IFT57: variants seen among roughly 807,000 people sequenced by gnomAD.
The protein encoded by IFT57 is intraflagellar transport protein 57 homolog.
A neutral mutation model predicts 56.8 loss-of-function variants in IFT57; 59 were observed. The observed-to-expected ratio is 1.04, with a 90% CI of 0.84 to 1.29. IFT57 has a LOEUF of 1.29. Ranked by LOEUF, IFT57 falls within the 50% of genes most tolerant of loss-of-function variation. The pLI is 0.00. For missense variants in IFT57, 470 were observed against 522.1 expected (o/e 0.90, Z 0.97); for synonymous variants, 209 against 186.1 (o/e 1.12, Z -1.00).
intron 3 of IFT57, among the ~76,000 whole-genome samples, chr3:108,217,705 T>C (rs889487035): frequency 2.0e-5 from 3 of 151,232 alleles, no homozygotes; most frequent in African/African-American, 7.3e-5. Context: ...TATATAATCT[T>C]TCTACCGAAG....
At chr3:108,218,448 CT>C in intron 3 of IFT57, 86 bp downstream of exon 3, 1 of 542,142 alleles carries the variant, frequency 1.8e-6, no homozygotes, top group Non-Finnish European at 3.2e-6. Context: ...AAGAATAATT[CT>C]TTTATGTTCA....
chr3:108,203,715 C>T (rs892202483), intron 5 of IFT57, among the ~76,000 whole-genome samples: 1 of 152,168 alleles, frequency 6.6e-6, no homozygotes, highest in Non-Finnish European at 1.5e-5. Context: ...AAAGCTCCTG[C>T]TCCAGTGGAG....
intron 6 of IFT57, among the ~76,000 whole-genome samples, chr3:108,169,041 C>G (rs549344298): frequency 1.2e-4 from 18 of 152,160 alleles, no homozygotes; most frequent in Admixed American, 5.2e-4. Context: ...AATGGTATTT[C>G]TGATTCTAGA....
At chr3:108,219,302 T>C (rs1354539700) in intron 2 of IFT57, 108 bp downstream of exon 2, 1 of 850,764 alleles carries the variant, frequency 1.2e-6, no homozygotes. Context: ...TAAAAATAAA[T>C]TCATATTTAC....
chr3:108,203,681 G>A (rs906575450), intron 5 of IFT57, among the ~76,000 whole-genome samples: 1 of 152,138 alleles, frequency 6.6e-6, no homozygotes, highest in African/African-American at 2.4e-5. Flanking sequence ...CTACATACAA[G>A]ACACTGGTGA....
At chr3:108,204,075 C>A (rs1049697931) in intron 5 of IFT57, among the ~76,000 whole-genome samples, 3 of 152,164 alleles carry the variant, frequency 2.0e-5, no homozygotes, top group Non-Finnish European at 2.9e-5. Context: ...TGATACTAAC[C>A]TATATAGCAA....
intron 5 of IFT57, among the ~76,000 whole-genome samples, chr3:108,192,174 C>CAAAA (rs11347289): frequency 3.7e-4 from 28 of 74,698 alleles, no homozygotes; most frequent in African/African-American, 1.5e-3. Context: ...GACTCTGTCT[C>CAAAA]AAAAAAAAAA....
intron 10 of IFT57, among the ~76,000 whole-genome samples, 153 bp downstream of exon 10, chr3:108,163,510 C>G (rs28483736): frequency 2.0e-5 from 3 of 151,966 alleles, no homozygotes; most frequent in Middle Eastern, 3.2e-3. Flanking sequence ...AAAAACAGTA[C>G]GCTGATTATC....
chr3:108,201,634 AT>A (rs2080278708), intron 5 of IFT57, among the ~76,000 whole-genome samples: 1 of 152,228 alleles, frequency 6.6e-6, no homozygotes, highest in Non-Finnish European at 1.5e-5. Context: ...GGAAAAAAAC[AT>A]TCTCCTTAAG....
In IFT57 at chr3:108,222,077, AGGCACCCGGGCGCTCGGGGACGCC is replaced by A. The variant is rs201193173; in HGVS notation, c.212+10_212+33del. 9.2e-4 allele frequency: 1,445 copies of A among 1,563,672 alleles called. 24 individuals are homozygous for A. The East Asian group carries it at 0.03, about 32-fold the overall frequency. On this transcript the variant is annotated intron_variant, in intron 1 of 10. Transcript: ENST00000264538. ...GGAGGGCATCTCCCTGGGGGCTAGC[AGGCACCCGGGCGCTCGGGGACGCC>A]GGCACCCACCTGGACGGGGCCTTCA...
At position 108,219,697 on chromosome 3, in the gene IFT57, C is replaced by G. The variant is rs992851452; in HGVS notation, c.213-125G>C. 4 of 930,644 alleles carry G rather than the reference C, an allele frequency of 4.3e-6. No homozygotes were observed. The African/African-American group carries it at 6.7e-5, about 15-fold the overall frequency. The allele number at this position is 930,644 out of a possible 1,614,324, so 57.6% of individuals were successfully genotyped here. A position where few individuals can be genotyped will look rare whatever the true frequency, so the allele number is the denominator to read the frequency against. On this transcript the variant is annotated intron_variant, in intron 1 of 10. Coordinates refer to ENST00000264538, the MANE Select transcript of IFT57 (RefSeq NM_018010.4). Reference sequence around the variant, plus strand: ...TTCCCCCCAAATGGCCATCAAAAGACCTCGATAATTCACCCTTTGAAGTTT... The same window carrying G: ...TTCCCCCCAAATGGCCATCAAAAGAGCTCGATAATTCACCCTTTGAAGTTT...
At chr3:108,165,215 T>C (rs778489932) in intron 9 of IFT57, among the ~76,000 whole-genome samples, 2 of 152,120 alleles carry the variant, frequency 1.3e-5, no homozygotes, top group Non-Finnish European at 2.9e-5. Flanking sequence ...GCAGGTTTTA[T>C]GTTGAATTTA....
chr3:108,162,395 TTA>T lies in IFT57; in HGVS notation c.*80_*81del. ...AAAAAAATACCCATTGAACATAAAATTATGTTTTGAAATCTATGCAACATGAA... is the reference window on the plus strand; with the variant it reads ...AAAAAAATACCCATTGAACATAAAATTGTTTTGAAATCTATGCAACATGAA... On this transcript the variant is annotated 3_prime_UTR_variant, in exon 11 of 11. Coordinates refer to ENST00000264538, the MANE Select transcript of IFT57 (RefSeq NM_018010.4). The T allele has an allele frequency of 2.6e-6, 3 of 1,160,358 alleles. No homozygotes were observed. Among genetic ancestry groups the T allele is most frequent in the Non-Finnish European group, 3.6e-6 (3 of 823,382 alleles). The allele number at this position is 1,160,358 out of a possible 1,614,324, so 71.9% of individuals were successfully genotyped here.
chr3:108,206,041 T>A (rs568775201), intron 5 of IFT57, among the ~76,000 whole-genome samples: 236 of 118,522 alleles, frequency 2.0e-3, no homozygotes, highest in African/African-American at 7.3e-3. Context: ...TTATTTATAA[T>A]ATATATTATA....
At chr3:108,186,793 C>T (rs1436478348) in intron 6 of IFT57, among the ~76,000 whole-genome samples, 1 of 152,108 alleles carries the variant, frequency 6.6e-6, no homozygotes, top group African/African-American at 2.4e-5. Flanking sequence ...GTCCCTCCTC[C>T]TTCCTCAGCC....
Position 108,167,667 on chromosome 3 carries a change from G to A in IFT57, c.849+126C>T, listed in dbSNP as rs185630365. On this transcript the variant is annotated intron_variant, in intron 7 of 10. Transcript: ENST00000264538. ...TGTAAGGTCAGTTGAAATGTAACAC[G>A]GTACATTCAATTAGTAAGTTCCTTA... 3.3e-4 allele frequency: 148 copies of A among 444,846 alleles called. No homozygotes were observed. In the East Asian group the frequency reaches 3.9e-3, roughly 12 times the overall value. The allele number at this position is 444,846 out of a possible 1,614,324, so 27.6% of individuals were successfully genotyped here. A position where few individuals can be genotyped will look rare whatever the true frequency, so the allele number is the denominator to read the frequency against.
intron 5 of IFT57, among the ~76,000 whole-genome samples, chr3:108,203,711 C>G (rs2080292510): frequency 6.6e-6 from 1 of 152,146 alleles, no homozygotes; most frequent in African/African-American, 2.4e-5. Context: ...TGAAAAAGCT[C>G]CTGCTCCAGT....
At chr3:108,185,200 A>G (rs72933708) in intron 6 of IFT57, among the ~76,000 whole-genome samples, 13,955 of 152,248 alleles carry the variant, frequency 0.092, 709 homozygotes, top group Middle Eastern at 0.12. Flanking sequence ...GATTTCTATA[A>G]GAAAGACATA....
At chr3:108,175,363 C>T (rs1173646283) in intron 6 of IFT57, among the ~76,000 whole-genome samples, 1 of 151,766 alleles carries the variant, frequency 6.6e-6, no homozygotes, top group Non-Finnish European at 1.5e-5. Flanking sequence ...ATAATGCTAT[C>T]ACTTATTAGG....
Sources: allele counts gnomAD v4.1 joint callset (sites outside exome capture counted in the v4.1 genomes callset), GRCh38; gene constraint gnomAD v4.1.1; transcripts MANE v1.5; gene names NCBI Gene and HGNC (gene_info 2026-07-23, HGNC 2026-07-21).